The following DPP8 variants were observed in gnomAD, a reference collection of about 807,000 sequenced individuals.
DPP8 encodes DPP VIII.
In DPP8, 31 loss-of-function variants were observed where a neutral mutation model predicts 107.5. That is an observed-to-expected ratio of 0.29 (90% CI 0.22 to 0.39). DPP8 has a LOEUF of 0.39. Among genes scored for constraint, DPP8 ranks in the 10% least tolerant of loss-of-function variants. The pLI is 1.00. For missense variants in DPP8, 842 were observed against 1,076.1 expected (o/e 0.78, Z 3.04); for synonymous variants, 381 against 356.6 (o/e 1.07, Z -0.77).
chr15:65,477,565 T>C (rs2066509730), intron 11 of DPP8, among the ~76,000 whole-genome samples: 1 of 150,084 alleles, frequency 6.7e-6, no homozygotes, highest in Admixed American at 6.6e-5. Context: ...AGTCTCCTGC[T>C]GTTGCCCACA....
chr15:65,449,064 G>T (rs895402058), intron 19 of DPP8, among the ~76,000 whole-genome samples: 1 of 143,920 alleles, frequency 6.9e-6, no homozygotes, highest in Non-Finnish European at 1.5e-5. Context: ...AAAAAAATTA[G>T]CTGGGCATAG....
intron 1 of DPP8, chr15:65,515,780 C>T: frequency 7.8e-7 from 1 of 1,278,776 alleles, no homozygotes; most frequent in Non-Finnish European, 1.1e-6. Context: ...TTCCTTTCCT[C>T]ACCATCAAAG....
At chr15:65,490,733 C>G (rs186642877) in intron 5 of DPP8, among the ~76,000 whole-genome samples, 8 of 152,286 alleles carry the variant, frequency 5.3e-5, no homozygotes, top group Non-Finnish European at 1.5e-5. Context: ...TCTTATAGGT[C>G]ATATAATTCG....
chr15:65,512,379 T>A lies in DPP8; in HGVS notation c.175A>T (p.Met59Leu). The change falls in exon 2 of 20, where the codon ATG becomes TTG. Residue 59 changes from methionine to leucine, a missense_variant. By Grantham distance (15) the Met-to-Leu change is conservative. This residue lies in a region of DPP8 where 663 missense variants were observed against 758.0 expected (regional missense o/e 0.87). Coordinates refer to ENST00000300141, the MANE Select transcript of DPP8 (RefSeq NM_130434.5). The part of the protein sequence containing the change: ...LADTRKYHGY[M>L]MAKAPHDFMF... ...AAATCATGTGGTGCCTTAGCCATCA[T>A]GTAGCCATGATATTTTCTGGTATCG... is the stretch of plus-strand genomic sequence containing the variant. 1 of 1,614,170 alleles carries A rather than the reference T, an allele frequency of 6.2e-7. No homozygotes were observed. The highest frequency in any genetic ancestry group is 8.5e-7 in the Non-Finnish European group (1 of 1,180,030).
intron 12 of DPP8, 57 bp downstream of exon 12, chr15:65,474,152 G>C (rs1041359786): frequency 1.6e-6 from 2 of 1,214,940 alleles, no homozygotes; most frequent in East Asian, 2.3e-5. Context: ...CTCATTTTTA[G>C]CACTGCATTC....
At position 65,446,616 on chromosome 15, in the gene DPP8, C is replaced by CTTTTTTT. The variant is rs397969608; in HGVS notation, c.*261_*267dup. On this transcript the variant is annotated 3_prime_UTR_variant, in exon 20 of 20. Coordinates refer to ENST00000300141, the MANE Select transcript of DPP8 (RefSeq NM_130434.5). ...TAGTATGAATACATGGTGCTAATGT[C>CTTTTTTT]TTTTTTTTTTTTTTTTTTTTAGTAA... The CTTTTTTT allele has an allele frequency of 8.4e-6, 1 of 119,056 alleles. No individual in the cohort carries two copies. The highest frequency in any genetic ancestry group is 3.1e-5 in the African/African-American group (1 of 32,468). The allele number at this position is 119,056 out of a possible 1,614,324, so 7.4% of individuals were successfully genotyped here.
At chr15:65,496,994 A>G (rs2068668871) in intron 5 of DPP8, among the ~76,000 whole-genome samples, 1 of 152,032 alleles carries the variant, frequency 6.6e-6, no homozygotes, top group African/African-American at 2.4e-5. Context: ...GGTTCAAGCA[A>G]TTCTCCCGCC....
At chr15:65,452,502 A>C (rs1474887404) in intron 17 of DPP8, among the ~76,000 whole-genome samples, 2 of 152,158 alleles carry the variant, frequency 1.3e-5, no homozygotes, top group Non-Finnish European at 2.9e-5. Context: ...ACAATAAATG[A>C]AATATACTAA....
chr15:65,499,852 C>T (rs1280409668), intron 4 of DPP8, among the ~76,000 whole-genome samples: 2 of 152,164 alleles, frequency 1.3e-5, no homozygotes, highest in African/African-American at 4.8e-5. Context: ...GGGTGTGAGC[C>T]ACCACGTCTG....
chr15:65,493,328 T>C (rs383615), intron 5 of DPP8, among the ~76,000 whole-genome samples: 142,871 of 152,062 alleles, frequency 0.94, 67,122 homozygotes, highest in Admixed American at 0.96. Flanking sequence ...GTGATCTGCC[T>C]GCCTCGGCCT....
chr15:65,457,907 C>T (rs1407340120), intron 15 of DPP8, among the ~76,000 whole-genome samples: 3 of 152,174 alleles, frequency 2.0e-5, no homozygotes, highest in Non-Finnish European at 4.4e-5. Flanking sequence ...AATCCTCCCA[C>T]CTCAGCCTCT....
intron 3 of DPP8, among the ~76,000 whole-genome samples, chr15:65,506,766 A>G (rs922119227): frequency 1.9e-4 from 29 of 150,098 alleles, no homozygotes; most frequent in African/African-American, 6.6e-4. Flanking sequence ...ATAGTTTTTA[A>G]TAAGAAAAAA....
chr15:65,486,000 A>G (rs2140842629), intron 7 of DPP8, among the ~76,000 whole-genome samples: 2 of 150,832 alleles, frequency 1.3e-5, no homozygotes, highest in East Asian at 4.0e-4. Context: ...GGGCTGAGGC[A>G]GGAGAATTGC....
intron 5 of DPP8, among the ~76,000 whole-genome samples, chr15:65,497,322 G>A (rs527883732): frequency 2.9e-4 from 44 of 152,130 alleles, no homozygotes; most frequent in African/African-American, 4.1e-4. Flanking sequence ...AGGTTGGAGC[G>A]CAATGGCTCA....
chr15:65,492,136 G>GT (rs2068100023), intron 5 of DPP8, among the ~76,000 whole-genome samples: 1 of 151,948 alleles, frequency 6.6e-6, no homozygotes, highest in African/African-American at 2.4e-5. Flanking sequence ...GAGCTCAGGA[G>GT]TTTGAGACCA....
Position 65,480,280 on chromosome 15 carries a change from A to G in DPP8, c.1238T>C (p.Val413Ala). 6.2e-7 allele frequency: 1 copy of G among 1,614,022 alleles called. No individual in the cohort carries two copies. The highest frequency in any genetic ancestry group is 8.5e-7 in the Non-Finnish European group (1 of 1,179,976). The change falls in exon 10 of 20, where the codon GTG (valine) becomes GCG (alanine). Residue 413 changes from valine to alanine, a missense_variant. This residue lies in a region of DPP8 where 663 missense variants were observed against 758.0 expected (regional missense o/e 0.87). Transcript: ENST00000300141. ...AATTAGTGGCGTCACAGAATCAGGCACTGACTCAATGAGTCTCTGCCTTTC... is the reference window on the plus strand; with the variant it reads ...AATTAGTGGCGTCACAGAATCAGGCGCTGACTCAATGAGTCTCTGCCTTTC... ...VMERQRLIES[V>A]PDSVTPLIIY...
intron 12 of DPP8, among the ~76,000 whole-genome samples, chr15:65,473,930 C>T (rs142532202): frequency 0.04 from 6,017 of 152,022 alleles, 144 homozygotes; most frequent in Middle Eastern, 0.068. Context: ...GGTGAAACCC[C>T]GTGTCTACTA....
At chr15:65,451,506 A>G (rs904500635) in intron 18 of DPP8, among the ~76,000 whole-genome samples, 3 of 152,240 alleles carry the variant, frequency 2.0e-5, no homozygotes, top group African/African-American at 7.2e-5. Flanking sequence ...CCTGTAATTC[A>G]GTTTTAAGAA....
At chr15:65,448,079 T>G (rs1454550245) in intron 19 of DPP8, among the ~76,000 whole-genome samples, 1 of 152,144 alleles carries the variant, frequency 6.6e-6, no homozygotes. Flanking sequence ...TCACTTCAGA[T>G]TCCACACTAA....
Sources: allele counts gnomAD v4.1 joint callset (sites outside exome capture counted in the v4.1 genomes callset), GRCh38; gene constraint gnomAD v4.1.1; regional missense constraint gnomAD v4.1.1; transcripts MANE v1.5; gene names NCBI Gene and HGNC (gene_info 2026-07-23, HGNC 2026-07-21).